Variants in SLC24A2 observed in about 807,000 individuals in gnomAD.
SLC24A2 encodes the protein sodium/potassium/calcium exchanger 2.
In SLC24A2, 36 loss-of-function variants were observed where a neutral mutation model predicts 62.0. That is an observed-to-expected ratio of 0.58 (90% CI 0.44 to 0.77). The LOEUF (loss-of-function observed/expected upper bound fraction) is 0.77. SLC24A2 is among the 30% of genes least tolerant of loss of function. The probability of loss-of-function intolerance (pLI) is 0.00; values close to 1 mark genes in which losing one functional copy is unlikely to be tolerated. For missense variants in SLC24A2, 846 were observed against 817.9 expected (o/e 1.03, Z -0.42); for synonymous variants, 358 against 294.0 (o/e 1.22, Z -2.23).
the SLC24A2 span, among the ~76,000 whole-genome samples, chr9:20,225,961 A>G: frequency 3.9e-5 from 6 of 152,036 alleles, no homozygotes; most frequent in Non-Finnish European, 8.8e-5. Context: ...GAGAGGGAAG[A>G]ATGAACAAAA....
chr9:19,757,579 C>T (rs941438744), intron 2 of SLC24A2, among the ~76,000 whole-genome samples: 4 of 152,134 alleles, frequency 2.6e-5, no homozygotes, highest in Admixed American at 1.3e-4. Context: ...AGGCCCATAA[C>T]TGAAATAAAG....
chr9:19,516,303 G>A lies in SLC24A2; in HGVS notation c.1836C>T (p.Ile612=). ...TAGAGAGGATGACGAAGAGCAGCATGATGAAGAGAAGGACGATGGCACAGA... is the reference window on the plus strand; with the variant it reads ...TAGAGAGGATGACGAAGAGCAGCATAATGAAGAGAAGGACGATGGCACAGA... ...GLFCAIVLLF[I]MLLFVILSIA... The change falls in exon 11 of 11, where the codon ATC becomes ATT. Residue 612 remains isoleucine, a synonymous_variant. Transcript: ENST00000341998. 2 of 1,614,234 alleles carry A rather than the reference G, an allele frequency of 1.2e-6. No individual in the cohort carries two copies. The highest frequency in any genetic ancestry group is 1.7e-6 in the Non-Finnish European group (2 of 1,180,042).
At chr9:19,754,884 C>G (rs1200411240) in intron 2 of SLC24A2, among the ~76,000 whole-genome samples, 3 of 152,150 alleles carry the variant, frequency 2.0e-5, no homozygotes, top group Non-Finnish European at 4.4e-5. Flanking sequence ...ACATAGCACA[C>G]TGAGACCTAG....
At chr9:20,262,853 C>T in the SLC24A2 span, among the ~76,000 whole-genome samples, 1 of 151,848 alleles carries the variant, frequency 6.6e-6, no homozygotes, top group African/African-American at 2.4e-5. Flanking sequence ...TTTTCCACTG[C>T]CATGTGTGCC....
chr9:19,568,390 C>T (rs892490599), intron 7 of SLC24A2, among the ~76,000 whole-genome samples: 76 of 152,134 alleles, frequency 5.0e-4, no homozygotes, highest in African/African-American at 1.8e-3. Flanking sequence ...CCAGCCTTGC[C>T]GTTCATACTG....
rs1330552738 is a variant in SLC24A2, at chr9:19,508,065, G to T, written c.*8088C>A. ...TTTTAGTGCTAGCAGCAACTTCACT[G>T]AATCAGGAAGGTAGCTTTTGCTATT... On this transcript the variant is annotated 3_prime_UTR_variant, in exon 11 of 11. Transcript: ENST00000341998. The T allele has an allele frequency of 1.3e-5, 2 of 152,224 alleles. No homozygotes were observed. The highest frequency in any genetic ancestry group is 4.8e-5 in the African/African-American group (2 of 41,456). The allele number at this position is 152,224 out of a possible 1,614,324, so 9.4% of individuals were successfully genotyped here.
At chr9:20,189,858 C>A in the SLC24A2 span, among the ~76,000 whole-genome samples, 1 of 152,166 alleles carries the variant, frequency 6.6e-6, no homozygotes, top group Non-Finnish European at 1.5e-5. Flanking sequence ...GCAGTGACTG[C>A]ACAATTCTGC....
chr9:19,779,781 C>T (rs534370396), intron 2 of SLC24A2, among the ~76,000 whole-genome samples: 1 of 152,262 alleles, frequency 6.6e-6, no homozygotes, highest in East Asian at 1.9e-4. Context: ...TCAAGGTAGG[C>T]GGGCGCGGTG....
chr9:20,270,625 G>A, the SLC24A2 span, among the ~76,000 whole-genome samples: 8 of 152,146 alleles, frequency 5.3e-5, no homozygotes, highest in Non-Finnish European at 8.8e-5. Context: ...TGCTAGAGAG[G>A]TAAAGATCTT....
chr9:19,850,487 C>T, the SLC24A2 span, among the ~76,000 whole-genome samples: 1 of 152,062 alleles, frequency 6.6e-6, no homozygotes, highest in East Asian at 1.9e-4. Context: ...ATTTACATAT[C>T]ATAAAATTTA....
chr9:19,910,313 A>G, the SLC24A2 span, among the ~76,000 whole-genome samples: 1 of 152,068 alleles, frequency 6.6e-6, no homozygotes, highest in Non-Finnish European at 1.5e-5. Context: ...AAATTTTCAA[A>G]ATAATTCCGC....
chr9:19,701,314 T>C lies in SLC24A2; in HGVS notation c.931-79015A>G, dbSNP rs191250539. Among the ~76,000 whole-genome samples, 479 of 152,336 alleles carry C rather than the reference T, an allele frequency of 3.1e-3. 2 individuals carry two copies. The highest frequency in any genetic ancestry group is 0.011 in the African/African-American group (458 of 41,572). On this transcript the variant is annotated intron_variant, in intron 2 of 10. Transcript: ENST00000341998. The stretch of plus-strand genomic sequence containing the variant: ...GTCCATTTTTCCAGAGTCTTAGCAC[T>C]TCACTGTGTTCTGGCTGATTTCTAA...
At chr9:19,863,854 A>T in the SLC24A2 span, among the ~76,000 whole-genome samples, 69 of 152,118 alleles carry the variant, frequency 4.5e-4, no homozygotes, top group African/African-American at 1.5e-3. Flanking sequence ...GAGCAGAAAT[A>T]AATGAAACAG....
At chr9:20,078,490 T>C in the SLC24A2 span, among the ~76,000 whole-genome samples, 1 of 152,102 alleles carries the variant, frequency 6.6e-6, no homozygotes, top group Non-Finnish European at 1.5e-5. Context: ...AAGAACAAGA[T>C]GGTCAGGTTT....
chr9:19,658,776 G>A (rs1038413576), intron 2 of SLC24A2, among the ~76,000 whole-genome samples: 9 of 152,112 alleles, frequency 5.9e-5, no homozygotes, highest in African/African-American at 1.4e-4. Flanking sequence ...GAGAGAGCTC[G>A]GAATACTGAT....
chr9:20,092,334 T>C, the SLC24A2 span, among the ~76,000 whole-genome samples: 1 of 152,238 alleles, frequency 6.6e-6, no homozygotes, highest in Admixed American at 6.5e-5. Flanking sequence ...ATATGTAATA[T>C]AAGCTTGGCC....
chr9:20,180,304 T>C, the SLC24A2 span, among the ~76,000 whole-genome samples: 2 of 152,178 alleles, frequency 1.3e-5, no homozygotes, highest in East Asian at 1.9e-4. Context: ...TTTATAAATA[T>C]TAATCACCAT....
chr9:20,115,859 C>A, the SLC24A2 span, among the ~76,000 whole-genome samples: 5 of 152,242 alleles, frequency 3.3e-5, no homozygotes, highest in East Asian at 7.7e-4. Flanking sequence ...CAATTTGAGA[C>A]AATTTTAAGC....
chr9:19,990,617 A>C, the SLC24A2 span, among the ~76,000 whole-genome samples: 5 of 91,906 alleles, frequency 5.4e-5, no homozygotes, highest in Admixed American at 4.0e-4. Flanking sequence ...CTAAAAAAAC[A>C]AAAAAAAAAA....
Sources: gnomAD v4.1 joint callset for allele counts (sites outside exome capture counted in the v4.1 genomes callset) on GRCh38, gnomAD v4.1.1 for gene constraint, MANE v1.5 for transcripts, NCBI Gene and HGNC (gene_info 2026-07-23, HGNC 2026-07-21) for gene names.